The following PPP2R2C variants were observed in gnomAD, a reference collection of about 807,000 sequenced individuals.
PPP2R2C encodes protein phosphatase 2 regulatory subunit Bgamma.
In PPP2R2C, 10 loss-of-function variants were observed where a neutral mutation model predicts 45.3. That is an observed-to-expected ratio of 0.22 (90% confidence interval 0.14 to 0.37). PPP2R2C has a LOEUF of 0.37. Among genes scored for constraint, PPP2R2C ranks in the 10% least tolerant of loss-of-function variants. PPP2R2C has a pLI of 1.00. For synonymous variants in PPP2R2C, 257 were observed against 245.4 expected (o/e 1.05, Z -0.44); for missense variants, 308 against 619.7 (o/e 0.50, Z 5.34).
chr4:6,498,291 T>C (rs1306127216), intron 2 of PPP2R2C, among the ~76,000 whole-genome samples: 1 of 152,228 alleles, frequency 6.6e-6, no homozygotes, highest in East Asian at 1.9e-4. Context: ...TTTAAGCCTA[T>C]ATCTTTGTGA....
chr4:6,486,851 G>A (rs143645608), intron 2 of PPP2R2C, among the ~76,000 whole-genome samples: 1 of 152,058 alleles, frequency 6.6e-6, no homozygotes. Flanking sequence ...GTGATTATTG[G>A]TATGATTAGG....
At chr4:6,362,376 G>A (rs560183996) in intron 5 of PPP2R2C, among the ~76,000 whole-genome samples, 21 of 152,172 alleles carry the variant, frequency 1.4e-4, no homozygotes, top group Non-Finnish European at 2.9e-4. Flanking sequence ...TTCTAGAAAT[G>A]CCAGGGAGGT....
At chr4:6,465,077 G>T (rs2108762383) in intron 1 of PPP2R2C, among the ~76,000 whole-genome samples, 1 of 152,240 alleles carries the variant, frequency 6.6e-6, no homozygotes, top group Non-Finnish European at 1.5e-5. Context: ...CGGGGCCAAG[G>T]TAACCAGTCA....
intron 1 of PPP2R2C, among the ~76,000 whole-genome samples, chr4:6,386,389 G>T (rs1716213926): frequency 6.6e-6 from 1 of 152,172 alleles, no homozygotes; most frequent in African/African-American, 2.4e-5. Flanking sequence ...AATGAAGAGA[G>T]CCACCAAGAC....
intron 5 of PPP2R2C, chr4:6,349,537 T>G: frequency 1.0e-6 from 1 of 985,422 alleles, no homozygotes; most frequent in Non-Finnish European, 1.2e-6. Context: ...GCCCTCCCTC[T>G]TCCTCCACCC....
chr4:6,470,316 G>C (rs1721802296), intron 1 of PPP2R2C, among the ~76,000 whole-genome samples: 1 of 152,204 alleles, frequency 6.6e-6, no homozygotes, highest in Non-Finnish European at 1.5e-5. Context: ...ATGAAGGATT[G>C]GATAGCACTG....
At chr4:6,457,207 CAAAAAAA>C (rs34145628) in intron 1 of PPP2R2C, among the ~76,000 whole-genome samples, 1 of 88,804 alleles carries the variant, frequency 1.1e-5, no homozygotes, top group Admixed American at 1.4e-4. Flanking sequence ...GACTCCATCT[CAAAAAAA>C]AAAAAAAAAA....
chr4:6,511,676 TGGTGGTGGA>T (rs1723525969), intron 2 of PPP2R2C, among the ~76,000 whole-genome samples: 1 of 38,500 alleles, frequency 2.6e-5, no homozygotes, highest in Non-Finnish European at 5.5e-5. Flanking sequence ...ATGGTGGTGA[TGGTGGTGGA>T]GGTGATGGTG....
At chr4:6,361,626 G>A (rs1194485590) in intron 5 of PPP2R2C, among the ~76,000 whole-genome samples, 2 of 152,190 alleles carry the variant, frequency 1.3e-5, no homozygotes, top group Non-Finnish European at 2.9e-5. Context: ...TCTCCCTCTG[G>A]GAAAAAAGCA....
intron 6 of PPP2R2C, among the ~76,000 whole-genome samples, chr4:6,341,198 G>A (rs1488021904): frequency 6.6e-6 from 1 of 152,176 alleles, no homozygotes; most frequent in East Asian, 1.9e-4. Flanking sequence ...AAAAAGTCGG[G>A]TGTGGTGGCC....
intron 1 of PPP2R2C, among the ~76,000 whole-genome samples, chr4:6,449,527 C>A (rs1372722591): frequency 6.6e-6 from 1 of 152,256 alleles, no homozygotes; most frequent in Non-Finnish European, 1.5e-5. Context: ...TGCGGACCCC[C>A]GCCGCCGCCT....
At chr4:6,485,372 CA>C (rs902678471) in intron 2 of PPP2R2C, among the ~76,000 whole-genome samples, 1 of 151,784 alleles carries the variant, frequency 6.6e-6, no homozygotes, top group African/African-American at 2.4e-5. Context: ...GTTTTGAGAT[CA>C]AGGTAACTCT....
At chr4:6,421,763 G>T (rs912528126) in intron 1 of PPP2R2C, among the ~76,000 whole-genome samples, 13 of 150,112 alleles carry the variant, frequency 8.7e-5, no homozygotes, top group Non-Finnish European at 1.1e-4. Context: ...TCTGAGACTT[G>T]AAAAGAAGTC....
chr4:6,512,341 ATGGTGG>A lies in PPP2R2C; in HGVS notation c.49+22924_49+22929del, dbSNP rs1317530486. On this transcript the variant is annotated intron_variant, in intron 2 of 9. Coordinates refer to the PPP2R2C transcript ENST00000506140. Reference sequence around the variant, plus strand: ...TATGGTGGTAGTGGTGGTGATGGTGATGGTGGTGATGGTGCTGATGGTGGTGGTGGT... The same window carrying A: ...TATGGTGGTAGTGGTGGTGATGGTGATGATGGTGCTGATGGTGGTGGTGGT... 1.1e-4 allele frequency among the ~76,000 whole-genome samples: 6 copies of A among 54,014 alleles called. 1 individual carries two copies. The highest frequency in any genetic ancestry group is 2.3e-4 in the Non-Finnish European group (6 of 26,140). 35.4% of individuals were successfully genotyped at this position (54,014 alleles called of 152,430 possible).
chr4:6,534,726 T>C (rs1249160982), intron 2 of PPP2R2C, among the ~76,000 whole-genome samples: 2 of 152,016 alleles, frequency 1.3e-5, no homozygotes, highest in Non-Finnish European at 2.9e-5. Context: ...TCCTGCACCC[T>C]GTACTTCGCA....
Position 6,329,639 on chromosome 4 carries a change from T to C in PPP2R2C, c.961-286A>G, listed in dbSNP as rs191939799. Among the ~76,000 whole-genome samples the C allele has an allele frequency of 4.3e-5, 5 of 116,972 alleles. No homozygotes were observed. The highest frequency in any genetic ancestry group is 1.7e-4 in the African/African-American group (3 of 17,274). The allele number at this position is 116,972 out of a possible 152,430, so 76.7% of individuals were successfully genotyped here. ...CCCACGACCAGGCACACGGCTGACC[T>C]CCACCGTGACACAGCCCAATACAGC... On this transcript the variant is annotated intron_variant, in intron 7 of 8. Transcript: ENST00000382599. The surrounding 1 kb of genome is among the most constrained non-coding windows in gnomAD (Gnocchi z 5.8).
In PPP2R2C at chr4:6,464,406, G is replaced by C. The variant is rs112855578; in HGVS notation, c.70+7754C>G. Among the ~76,000 whole-genome samples, 1,208 of 152,288 alleles carry C rather than the reference G, an allele frequency of 7.9e-3. 9 individuals are homozygous for C. The highest frequency in any genetic ancestry group is 0.027 in the Middle Eastern group (8 of 294). On this transcript the variant is annotated intron_variant, in intron 1 of 8. Transcript: ENST00000382599. ...GCTTCAGACTCTCTCCTGAGAAGTA[G>C]CTAGGTCCCGCAGTGGCACCCAAGA... is the stretch of plus-strand genomic sequence containing the variant.
chr4:6,525,043 G>A (rs997231366), intron 2 of PPP2R2C, among the ~76,000 whole-genome samples: 1 of 152,066 alleles, frequency 6.6e-6, no homozygotes, highest in Non-Finnish European at 1.5e-5. Context: ...CTATGAAGGT[G>A]CCACTGCACT....
At chr4:6,494,214 C>A (rs1722801431) in intron 2 of PPP2R2C, among the ~76,000 whole-genome samples, 1 of 152,180 alleles carries the variant, frequency 6.6e-6, no homozygotes. Flanking sequence ...GGGGCCCATA[C>A]CAGCCCTGCA....
Sources: allele counts gnomAD v4.1 joint callset (sites outside exome capture counted in the v4.1 genomes callset), GRCh38; gene constraint gnomAD v4.1.1; non-coding constraint Gnocchi (gnomAD v3.1); transcripts MANE v1.5; gene names NCBI Gene and HGNC (gene_info 2026-07-23, HGNC 2026-07-21).